AGMO: variants seen among roughly 807,000 people sequenced by gnomAD.
AGMO encodes glyceryl-ether monooxygenase.
In AGMO, 75 loss-of-function variants were observed where a neutral mutation model predicts 60.2. The observed-to-expected ratio is 1.25, with a 90% CI of 1.03 to 1.51. AGMO has a LOEUF of 1.51. AGMO is among the 40% of genes most tolerant of loss of function. The pLI is 0.00. For synonymous variants in AGMO, 261 were observed against 177.1 expected, an observed-to-expected ratio of 1.47 and a Z score of -3.76; for missense variants, 763 against 525.5, an observed-to-expected ratio of 1.45 and a Z score of -4.42.
At chr7:15,120,936 T>C in the AGMO span, among the ~76,000 whole-genome samples, 1 of 152,030 alleles carries the variant, frequency 6.6e-6, no homozygotes, top group Non-Finnish European at 1.5e-5. Context: ...AAGCCCTGCA[T>C]GCATTAGGTA....
rs545658836 is a variant in AGMO, at chr7:15,540,170, G to A, written c.409+4602C>T. 1.2e-4 allele frequency among the ~76,000 whole-genome samples: 18 copies of A among 152,256 alleles called. 1 individual carries two copies. In the South Asian group the frequency reaches 2.1e-3, roughly 18 times the overall value. ...AACCAAGCAGGTACTTATACCTTTA[G>A]AAGAGTCCCACACATGTACTCATAC... On this transcript the variant is annotated intron_variant, in intron 3 of 12. Transcript: ENST00000342526.
At chr7:15,438,966 T>C (rs975747886) in intron 3 of AGMO, among the ~76,000 whole-genome samples, 21 of 152,214 alleles carry the variant, frequency 1.4e-4, no homozygotes, top group Admixed American at 3.9e-4. Context: ...ACAGACTGTG[T>C]TCTATAGGGA....
intron 3 of AGMO, among the ~76,000 whole-genome samples, chr7:15,542,336 G>C (rs998804052): frequency 3.9e-5 from 6 of 152,026 alleles, no homozygotes; most frequent in East Asian, 3.9e-4. Context: ...TTTTTTACTG[G>C]ATTCAGTTCA....
At chr7:15,198,229 G>GAGAGAC (rs1781175172), downstream of AGMO, among the ~76,000 whole-genome samples, 5 of 115,548 alleles carry the variant, frequency 4.3e-5, no homozygotes, top group African/African-American at 2.0e-4. Flanking sequence ...GAGAGAGAGA[G>GAGAGAC]AGAGAGAGAG....
intron 3 of AGMO, among the ~76,000 whole-genome samples, chr7:15,518,521 T>C (rs1366778197): frequency 6.6e-6 from 1 of 152,112 alleles, no homozygotes; most frequent in Non-Finnish European, 1.5e-5. Context: ...TGTGATACTC[T>C]GGCAAACAGG....
intron 12 of AGMO, among the ~76,000 whole-genome samples, chr7:15,352,566 G>A (rs970197076): frequency 6.6e-6 from 1 of 151,518 alleles, no homozygotes; most frequent in Non-Finnish European, 1.5e-5. Flanking sequence ...TCTCAGGCTT[G>A]GCCAGAAATG....
At chr7:15,525,316 C>T (rs777470133) in intron 3 of AGMO, among the ~76,000 whole-genome samples, 1 of 152,090 alleles carries the variant, frequency 6.6e-6, no homozygotes, top group African/African-American at 2.4e-5. Context: ...GATAAATCTG[C>T]GGACTAGATT....
chr7:15,206,070 T>C (rs902265443), intron 12 of AGMO, among the ~76,000 whole-genome samples: 4 of 152,032 alleles, frequency 2.6e-5, no homozygotes, highest in Admixed American at 6.6e-5. Flanking sequence ...GAGATGACCA[T>C]TGTCAGCTGT....
chr7:15,394,245 C>A, intron 5 of AGMO, 66 bp from the exon 6 acceptor site: 1 of 1,176,190 alleles, frequency 8.5e-7, no homozygotes, highest in South Asian at 1.3e-5. Context: ...TATATAAATG[C>A]TCACATTAGA....
At chr7:15,536,913 A>G (rs1003639015) in intron 3 of AGMO, among the ~76,000 whole-genome samples, 1 of 151,648 alleles carries the variant, frequency 6.6e-6, no homozygotes, top group Non-Finnish European at 1.5e-5. Context: ...ACTTGATTTG[A>G]CTTTTTTTTT....
the AGMO span, among the ~76,000 whole-genome samples, chr7:15,169,624 A>G: frequency 6.6e-6 from 1 of 152,074 alleles, no homozygotes; most frequent in African/African-American, 2.4e-5. Context: ...TTTAGTAGAG[A>G]TGGGGTTTCA....
chr7:15,165,375 T>A, the AGMO span, among the ~76,000 whole-genome samples: 1 of 152,218 alleles, frequency 6.6e-6, no homozygotes, highest in East Asian at 1.9e-4. Flanking sequence ...ACTCCCTGAA[T>A]CTATAAACAT....
At chr7:15,170,410 TATAG>T in the AGMO span, among the ~76,000 whole-genome samples, 3 of 152,046 alleles carry the variant, frequency 2.0e-5, no homozygotes, top group African/African-American at 4.8e-5. Flanking sequence ...CATAGAAAAA[TATAG>T]ATAAACAAAA....
At chr7:15,462,048 C>A (rs1782156659) in intron 3 of AGMO, among the ~76,000 whole-genome samples, 1 of 127,630 alleles carries the variant, frequency 7.8e-6, no homozygotes, top group Non-Finnish European at 1.7e-5. Context: ...CCAGAAGAAT[C>A]CTACTTGGAA....
At chr7:15,553,262 G>A (rs1785026728) in intron 2 of AGMO, among the ~76,000 whole-genome samples, 1 of 151,256 alleles carries the variant, frequency 6.6e-6, no homozygotes, top group Non-Finnish European at 1.5e-5. Flanking sequence ...CATGGCACAT[G>A]TATACATATG....
intron 2 of AGMO, among the ~76,000 whole-genome samples, chr7:15,545,340 A>G (rs1784749666): frequency 6.6e-6 from 1 of 152,172 alleles, no homozygotes; most frequent in Admixed American, 6.5e-5. Flanking sequence ...AAAATTATAC[A>G]TGCCCATATT....
chr7:15,396,861 G>A (rs1026809746), intron 5 of AGMO, among the ~76,000 whole-genome samples: 25 of 152,310 alleles, frequency 1.6e-4, no homozygotes, highest in African/African-American at 6.0e-4. Context: ...CAAACCTTTA[G>A]CTAGATACAG....
chr7:15,216,494 A>G (rs1241964830), intron 12 of AGMO, among the ~76,000 whole-genome samples: 1 of 152,190 alleles, frequency 6.6e-6, no homozygotes, highest in Admixed American at 6.6e-5. Context: ...AATTTATTAA[A>G]CTTTCACGGT....
At chr7:15,381,153 T>C (rs1427221877) in intron 10 of AGMO, among the ~76,000 whole-genome samples, 1 of 151,914 alleles carries the variant, frequency 6.6e-6, no homozygotes, top group Non-Finnish European at 1.5e-5. Context: ...CAAAAACAAT[T>C]GCAACAAAAC....
Sources: allele counts gnomAD v4.1 joint callset (sites outside exome capture counted in the v4.1 genomes callset), GRCh38; gene constraint gnomAD v4.1.1; transcripts MANE v1.5; gene names NCBI Gene and HGNC (gene_info 2026-07-23, HGNC 2026-07-21).